Variants in FLNB observed in about 807,000 individuals in gnomAD.
FLNB encodes the protein filamin B, also known as filamin-B.
Under a neutral mutation model 250.6 loss-of-function variants are expected in FLNB, and 111 were observed. The ratio of observed to expected loss-of-function variants is 0.44; its 90% confidence interval spans 0.38 to 0.52. The LOEUF (loss-of-function observed/expected upper bound fraction) is 0.52. Ranked by LOEUF, FLNB falls within the 20% of genes least tolerant of loss-of-function variation. The pLI is 0.00. For synonymous variants in FLNB, 1,302 were observed against 1,372.1 expected (o/e 0.95, Z 1.13); for missense variants, 2,869 against 3,447.8 (o/e 0.83, Z 4.20).
chr3:58,123,703 T>TAAAAAAAA lies in FLNB; in HGVS notation c.3724+29_3724+36dup. The TAAAAAAAA allele has an allele frequency of 9.0e-7, 1 of 1,117,170 alleles. No individual in the cohort carries two copies. The highest frequency in any genetic ancestry group is 1.2e-6 in the Non-Finnish European group (1 of 816,956). 69.2% of individuals were successfully genotyped at this position (1,117,170 alleles called of 1,614,324 possible). A position where few individuals can be genotyped will look rare whatever the true frequency, so the allele number is the denominator to read the frequency against. On this transcript the variant is annotated intron_variant, in intron 21 of 45. Coordinates refer to ENST00000295956, the MANE Select transcript of FLNB (RefSeq NM_001457.4). ...ATAGAAGGGAAAGGTGGGTTTCATT[T>TAAAAAAAA]AAAAAAAAAAAAAAAAAAAAAAAGA...
At chr3:58,090,767 T>A (rs1437179785) in intron 4 of FLNB, among the ~76,000 whole-genome samples, 1 of 152,080 alleles carries the variant, frequency 6.6e-6, no homozygotes, top group Non-Finnish European at 1.5e-5. Context: ...AAGGCCTCGT[T>A]CACTATTAGA....
chr3:58,148,649 G>C lies in FLNB; in HGVS notation c.5888G>C (p.Gly1963Ala). The stretch of plus-strand genomic sequence containing the variant: ...AGCCCCAATCTGTGTTCTGGTCCAG[G>C]CATCTCCTTCATCCCCCGGGAAGTG... ...LLKRLPNNHI[G>A]ISFIPREVGE... Residue 1963 changes from glycine to alanine, a missense_variant and splice_region_variant, in exon 36 of 46, where the codon GGC becomes GCC. By Grantham distance (60) the Gly-to-Ala change is moderately conservative. Around this residue, in one of 5 missense-constraint regions of FLNB, gnomAD observed 1,084 missense variants for 1,315.5 expected, o/e 0.82. Coordinates refer to ENST00000295956, the MANE Select transcript of FLNB (RefSeq NM_001457.4). 6.2e-7 allele frequency: 1 copy of C among 1,613,698 alleles called. No homozygotes were observed. Among genetic ancestry groups the C allele is most frequent in the Non-Finnish European group, 8.5e-7 (1 of 1,179,652 alleles).
chr3:58,124,573 T>A, intron 22 of FLNB, 68 bp downstream of exon 22: 1 of 1,516,800 alleles, frequency 6.6e-7, no homozygotes, highest in Non-Finnish European at 9.1e-7. Context: ...TCCTGGTGGC[T>A]GGTACTGATG....
At chr3:58,050,176 C>T (rs1485679068) in intron 1 of FLNB, among the ~76,000 whole-genome samples, 5 of 152,036 alleles carry the variant, frequency 3.3e-5, no homozygotes, top group South Asian at 2.1e-4. Context: ...ACTACAGCCA[C>T]GTGCCACCAC....
At chr3:58,115,891 G>A (rs1460578113) in intron 18 of FLNB, among the ~76,000 whole-genome samples, 2 of 152,124 alleles carry the variant, frequency 1.3e-5, no homozygotes, top group African/African-American at 2.4e-5. Flanking sequence ...TTGTTGCTTG[G>A]AGCTGGGTTT....
At chr3:58,109,417 G>A (rs555634261) in intron 14 of FLNB, 95 bp downstream of exon 14, 635 of 1,584,670 alleles carry the variant, frequency 4.0e-4, no homozygotes, top group Middle Eastern at 1.7e-3. Context: ...CAGACATATG[G>A]AAGGAACCCA....
intron 38 of FLNB, chr3:58,152,713 A>G: frequency 7.6e-7 from 1 of 1,314,988 alleles, no homozygotes; most frequent in Non-Finnish European, 1.0e-6. Flanking sequence ...CTCAGGGGTC[A>G]GAGTCATGAA....
intron 43 of FLNB, among the ~76,000 whole-genome samples, chr3:58,168,061 C>T (rs944454668): frequency 2.0e-5 from 3 of 152,198 alleles, no homozygotes; most frequent in African/African-American, 4.8e-5. Context: ...GAGGGGCCCA[C>T]GCCTCCCCCA....
At chr3:58,109,002 G>T (rs947186447) in intron 13 of FLNB, among the ~76,000 whole-genome samples, 177 bp from the exon 14 acceptor site, 1 of 152,210 alleles carries the variant, frequency 6.6e-6, no homozygotes, top group Non-Finnish European at 1.5e-5. Context: ...ATAAATGCAT[G>T]TCATATTTTG....
rs758811267 is a variant in FLNB, at chr3:58,123,297, A to G, written c.3331A>G (p.Ile1111Val). 6.2e-7 allele frequency: 1 copy of G among 1,614,116 alleles called. No individual in the cohort carries two copies. Among genetic ancestry groups the G allele is most frequent in the Non-Finnish European group, 8.5e-7 (1 of 1,180,002 alleles). Residue 1111 changes from isoleucine (I) to valine (V), a missense_variant, in exon 21 of 46, where the codon ATC (isoleucine) becomes GTC (valine). This residue lies in a region of FLNB where 1,348 missense variants were observed against 1,466.7 expected (regional missense o/e 0.92). Coordinates refer to ENST00000295956, the MANE Select transcript of FLNB (RefSeq NM_001457.4). ...PTKPGEYFVN[I>V]LFEEVHIPGS... is the part of the protein sequence containing the mutation. ...AAAACCCGGGGAGTACTTCGTCAAC[A>G]TCCTCTTTGAAGAAGTCCACATACC...
chr3:58,118,252 G>C (rs2097282412), intron 18 of FLNB, among the ~76,000 whole-genome samples: 1 of 152,248 alleles, frequency 6.6e-6, no homozygotes, highest in Non-Finnish European at 1.5e-5. Context: ...TGGAAGTTCA[G>C]ATATTGTGCG....
At chr3:58,069,912 G>A (rs1169310609) in intron 1 of FLNB, among the ~76,000 whole-genome samples, 1 of 152,060 alleles carries the variant, frequency 6.6e-6, no homozygotes, top group African/African-American at 2.4e-5. Flanking sequence ...AGTATGGCTT[G>A]TGGATGTCTG....
chr3:58,096,087 G>A, intron 5 of FLNB, 54 bp from the exon 6 acceptor site: 1 of 1,371,900 alleles, frequency 7.3e-7, no homozygotes, highest in Non-Finnish European at 1.0e-6. Flanking sequence ...GACACAGCAT[G>A]CTCCTTACTC....
chr3:58,169,828 G>C lies in FLNB; in HGVS notation c.7621+35G>C. On this transcript the variant is annotated intron_variant, in intron 45 of 45. Coordinates refer to ENST00000295956, the MANE Select transcript of FLNB (RefSeq NM_001457.4). The surrounding 1 kb of genome is among the most constrained non-coding windows in gnomAD (Gnocchi z 4.8). ...TGGGCCTTTTCAAGGGTGGGGTGGGGCAGGGGCAGGCTGGGCACCCTGGGT... is the reference window on the plus strand; with the variant it reads ...TGGGCCTTTTCAAGGGTGGGGTGGGCCAGGGGCAGGCTGGGCACCCTGGGT... 19 of 1,198,340 alleles carry C rather than the reference G, an allele frequency of 1.6e-5. No homozygotes were observed. The highest frequency in any genetic ancestry group is 2.2e-5 in the Non-Finnish European group (18 of 812,000). The allele number at this position is 1,198,340 out of a possible 1,614,324, so 74.2% of individuals were successfully genotyped here. A position where few individuals can be genotyped will look rare whatever the true frequency, so the allele number is the denominator to read the frequency against.
chr3:58,152,654 G>T, intron 38 of FLNB: 2 of 813,826 alleles, frequency 2.5e-6, no homozygotes, highest in Non-Finnish European at 3.4e-6. Context: ...CAAACATTCA[G>T]TTCATTACAT....
rs551348646 is a variant in FLNB at position 58,153,559 on chromosome 3, C to T, written c.6552C>T (p.Thr2184=). 8.7e-6 allele frequency: 14 copies of T among 1,614,122 alleles called. No homozygotes were observed. The highest frequency in any genetic ancestry group is 1.7e-5 in the Admixed American group (1 of 60,032). The part of the protein sequence containing the change: ...QHVTGSPFQF[T]VGPLGEGGAH... ...TCACCGGCAGCCCCTTCCAGTTCAC[C>T]GTGGGGCCACTTGGTGAAGGAGGCG... The change falls in exon 39 of 46, where the codon ACC becomes ACT. Residue 2184 remains threonine, a synonymous_variant. Transcript: ENST00000295956.
intron 1 of FLNB, among the ~76,000 whole-genome samples, chr3:58,040,968 A>C (rs557207955): frequency 6.6e-6 from 1 of 152,290 alleles, no homozygotes; most frequent in African/African-American, 2.4e-5. Flanking sequence ...TAATTAGACT[A>C]TTATTTGAGT....
intron 39 of FLNB, 93 bp from the exon 40 acceptor site, chr3:58,154,698 A>G: frequency 2.2e-6 from 3 of 1,373,846 alleles, no homozygotes; most frequent in Non-Finnish European, 3.1e-6. Flanking sequence ...CTAGCAACAG[A>G]CGAAACCTAG....
At chr3:58,145,856 TTGTCCAG>T (rs755390084) in intron 32 of FLNB, 58 bp from the exon 33 acceptor site, 1 of 1,609,578 alleles carries the variant, frequency 6.2e-7, no homozygotes, top group Non-Finnish European at 8.5e-7. Flanking sequence ...AAGATGCCAG[TTGTCCAG>T]GGTCTTCGTT....
Sources: allele counts gnomAD v4.1 joint callset (sites outside exome capture counted in the v4.1 genomes callset), GRCh38; gene constraint gnomAD v4.1.1; regional missense constraint gnomAD v4.1.1; non-coding constraint Gnocchi (gnomAD v3.1); transcripts MANE v1.5; gene names NCBI Gene and HGNC (gene_info 2026-07-23, HGNC 2026-07-21).